Variants in PAPPA observed in about 807,000 individuals in gnomAD.
PAPPA encodes pappalysin-1.
A neutral mutation model predicts 164.0 loss-of-function variants in PAPPA; 60 were observed. That is an observed-to-expected ratio of 0.37 (90% CI 0.30 to 0.45). PAPPA has a LOEUF of 0.45. Ranked by LOEUF, PAPPA falls within the 20% of genes least tolerant of loss-of-function variation. The probability of loss-of-function intolerance (pLI) is 1.00; values close to 1 mark genes in which losing one functional copy is unlikely to be tolerated. For missense variants in PAPPA, 1,782 were observed against 2,087.3 expected (o/e 0.85, Z 2.85); for synonymous variants, 875 against 814.1 (o/e 1.07, Z -1.27).
chr9:116,384,022 TTAAG>T (rs1351451115), intron 21 of PAPPA, among the ~76,000 whole-genome samples: 2 of 152,100 alleles, frequency 1.3e-5, no homozygotes, highest in African/African-American at 4.8e-5. Context: ...GTGAATTTTG[TTAAG>T]TAAGTGTGAG....
chr9:116,270,177 C>A (rs920929269), intron 8 of PAPPA, among the ~76,000 whole-genome samples: 8 of 152,206 alleles, frequency 5.3e-5, no homozygotes, highest in Admixed American at 3.3e-4. Context: ...ACTGTGATTC[C>A]TTGAGCATCT....
chr9:116,293,294 C>T lies in PAPPA; in HGVS notation c.2954-9463C>T, dbSNP rs566966315. 5.3e-5 allele frequency among the ~76,000 whole-genome samples: 8 copies of T among 152,272 alleles called. No homozygotes were observed. The South Asian group carries it at 1.5e-3, about 28-fold the overall frequency. ...ATTAATTTAAAAACTTTGAATTTTT[C>T]AAGAATTTTTACATTTTTAAATCTT... On this transcript the variant is annotated intron_variant, in intron 9 of 21. Transcript: ENST00000328252.
At chr9:116,331,185 T>A (rs917340763) in intron 10 of PAPPA, 59 bp from the exon 11 acceptor site, 14 of 1,097,702 alleles carry the variant, frequency 1.3e-5, no homozygotes, top group Non-Finnish European at 1.8e-5. Context: ...TAAAATTGAA[T>A]TTAGTTGAAC....
chr9:116,199,563 A>G (rs975973514), intron 2 of PAPPA, among the ~76,000 whole-genome samples: 9 of 152,132 alleles, frequency 5.9e-5, no homozygotes, highest in Admixed American at 4.6e-4. Context: ...TCCCTGGAAA[A>G]TGTAAACCAG....
At chr9:116,354,665 G>A (rs1846329023) in intron 17 of PAPPA, among the ~76,000 whole-genome samples, 1 of 152,142 alleles carries the variant, frequency 6.6e-6, no homozygotes, top group African/African-American at 2.4e-5. Flanking sequence ...AGCATCTCCT[G>A]AAGCTGTTCT....
chr9:116,359,497 C>T (rs1457944308), intron 17 of PAPPA, among the ~76,000 whole-genome samples: 1 of 152,214 alleles, frequency 6.6e-6, no homozygotes, highest in African/African-American at 2.4e-5. Flanking sequence ...AGTCAGTTCC[C>T]TGACAACACC....
At chr9:116,170,461 G>T (rs1843763719) in intron 1 of PAPPA, among the ~76,000 whole-genome samples, 1 of 152,014 alleles carries the variant, frequency 6.6e-6, no homozygotes, top group African/African-American at 2.4e-5. Flanking sequence ...CTTCAAATGT[G>T]GTCTGAAGTG....
intron 21 of PAPPA, among the ~76,000 whole-genome samples, chr9:116,384,958 C>T (rs997495974): frequency 4.6e-5 from 7 of 152,096 alleles, no homozygotes; most frequent in Admixed American, 3.3e-4. Context: ...AAATATGAAG[C>T]TGATTTTTTG....
At chr9:116,329,447 T>C (rs1394554990) in intron 10 of PAPPA, among the ~76,000 whole-genome samples, 1 of 152,198 alleles carries the variant, frequency 6.6e-6, no homozygotes, top group Non-Finnish European at 1.5e-5. Flanking sequence ...ATACAAGTTT[T>C]TCATATTTGC....
intron 10 of PAPPA, among the ~76,000 whole-genome samples, chr9:116,310,078 A>C (rs1279095668): frequency 6.6e-6 from 1 of 152,222 alleles, no homozygotes; most frequent in Non-Finnish European, 1.5e-5. Flanking sequence ...GAAATTCTGC[A>C]TTGATAAGCA....
intron 10 of PAPPA, among the ~76,000 whole-genome samples, chr9:116,311,408 G>A (rs1265536716): frequency 1.3e-5 from 2 of 152,148 alleles, no homozygotes; most frequent in Admixed American, 1.3e-4. Context: ...TGTGATATGT[G>A]GACAAATGGA....
intron 9 of PAPPA, among the ~76,000 whole-genome samples, chr9:116,281,157 A>T (rs975966297): frequency 1.3e-5 from 2 of 152,208 alleles, no homozygotes; most frequent in Non-Finnish European, 2.9e-5. Flanking sequence ...TCATATGCAA[A>T]TACTAAGGGA....
In PAPPA at chr9:116,228,826, T is replaced by C. The variant is rs756623; in HGVS notation, c.2233+1274T>C. Among the ~76,000 whole-genome samples, 27 of 152,226 alleles carry C rather than the reference T, an allele frequency of 1.8e-4. 1 individual carries two copies. In the East Asian group the frequency reaches 5.0e-3, roughly 28 times the overall value. On this transcript the variant is annotated intron_variant, in intron 6 of 21. Coordinates refer to ENST00000328252, the MANE Select transcript of PAPPA (RefSeq NM_002581.5). ...GGAGCCTGTTCAAGCTCCAGTTTTT[T>C]AGGAAGTTCTCGAAATCTGCAATTG...
At chr9:116,265,607 A>C (rs191485227) in intron 7 of PAPPA, among the ~76,000 whole-genome samples, 153 of 152,360 alleles carry the variant, frequency 1.0e-3, no homozygotes, top group Non-Finnish European at 2.0e-3. Flanking sequence ...AGAAAAAAAC[A>C]ACACCTAGTA....
At chr9:116,168,187 T>G (rs1843736793) in intron 1 of PAPPA, among the ~76,000 whole-genome samples, 1 of 152,194 alleles carries the variant, frequency 6.6e-6, no homozygotes. Flanking sequence ...TTCTTTAAGA[T>G]TCAATGAGAA....
intron 1 of PAPPA, among the ~76,000 whole-genome samples, chr9:116,172,108 A>G (rs1483627165): frequency 6.6e-6 from 1 of 152,016 alleles, no homozygotes; most frequent in Non-Finnish European, 1.5e-5. Flanking sequence ...GCATATGTTA[A>G]CTCTTTAATC....
At chr9:116,287,733 A>G (rs1008577257) in intron 9 of PAPPA, 19 of 152,332 alleles carry the variant, frequency 1.2e-4, no homozygotes, top group African/African-American at 4.6e-4. Flanking sequence ...TCATACCTAC[A>G]TGATTATTGC....
At chr9:116,169,093 GAAAGA>G (rs1564172404) in intron 1 of PAPPA, among the ~76,000 whole-genome samples, 1 of 152,126 alleles carries the variant, frequency 6.6e-6, no homozygotes, top group Non-Finnish European at 1.5e-5. Flanking sequence ...ATAGGCCTTA[GAAAGA>G]CCAAAGAGTG....
At chr9:116,254,903 A>G (rs943033942) in intron 7 of PAPPA, among the ~76,000 whole-genome samples, 2 of 151,810 alleles carry the variant, frequency 1.3e-5, no homozygotes, top group South Asian at 2.1e-4. Context: ...TCTTTCATAT[A>G]GCCTTCTAAT....
Sources: gnomAD v4.1 joint callset for allele counts (sites outside exome capture counted in the v4.1 genomes callset) on GRCh38, gnomAD v4.1.1 for gene constraint, MANE v1.5 for transcripts, NCBI Gene and HGNC (gene_info 2026-07-23, HGNC 2026-07-21) for gene names.